ATRNL1: variants seen among roughly 807,000 people sequenced by gnomAD.
ATRNL1 encodes the protein attractin-like protein 1.
ATRNL1 carries 95 observed loss-of-function variants against 182.7 expected under a neutral mutation model. The observed-to-expected ratio is 0.52, with a 90% CI of 0.44 to 0.62. The LOEUF is 0.62. Ranked by LOEUF, ATRNL1 falls within the 20% of genes least tolerant of loss-of-function variation. The pLI, the probability that ATRNL1 is intolerant of heterozygous loss-of-function variation, is 0.00. For missense variants in ATRNL1, 1,471 were observed against 1,679.5 expected, an observed-to-expected ratio of 0.88 and a Z score of 2.17; for synonymous variants, 576 against 568.3, an observed-to-expected ratio of 1.01 and a Z score of -0.19.
intron 26 of ATRNL1, among the ~76,000 whole-genome samples, chr10:115,580,439 T>A (rs782453593): frequency 1.1e-4 from 16 of 152,060 alleles, no homozygotes; most frequent in Non-Finnish European, 2.1e-4. Flanking sequence ...GCCTGTAATG[T>A]TTCTACTGAA....
intron 26 of ATRNL1, among the ~76,000 whole-genome samples, chr10:115,578,179 A>G (rs574306925): frequency 2.0e-5 from 3 of 151,858 alleles, no homozygotes; most frequent in African/African-American, 7.2e-5. Flanking sequence ...AGATGTTTGC[A>G]TGTATGTTTA....
At chr10:115,372,866 G>T (rs1857469363) in intron 19 of ATRNL1, among the ~76,000 whole-genome samples, 1 of 152,024 alleles carries the variant, frequency 6.6e-6, no homozygotes, top group Non-Finnish European at 1.5e-5. Flanking sequence ...CTATTTTGTG[G>T]TTCCATAATT....
chr10:115,825,449 C>T (rs1317425073), intron 27 of ATRNL1, among the ~76,000 whole-genome samples: 1 of 152,070 alleles, frequency 6.6e-6, no homozygotes, highest in South Asian at 2.1e-4. Flanking sequence ...AAGGACCTAG[C>T]GTATATAGAC....
chr10:115,610,807 G>C (rs1438310085), intron 26 of ATRNL1, among the ~76,000 whole-genome samples: 1 of 152,144 alleles, frequency 6.6e-6, no homozygotes, highest in Non-Finnish European at 1.5e-5. Context: ...AACCAAAGTT[G>C]ATTCTGTTTT....
chr10:115,603,667 G>A (rs1357002480), intron 26 of ATRNL1, among the ~76,000 whole-genome samples: 3 of 152,020 alleles, frequency 2.0e-5, no homozygotes, highest in African/African-American at 7.2e-5. Flanking sequence ...ATCATCATAA[G>A]CAGGCATCAA....
chr10:115,538,259 T>C (rs191266105), intron 25 of ATRNL1, among the ~76,000 whole-genome samples: 1 of 152,312 alleles, frequency 6.6e-6, no homozygotes, highest in Non-Finnish European at 1.5e-5. Flanking sequence ...ATATTCATCT[T>C]TATAATAGCT....
intron 5 of ATRNL1, among the ~76,000 whole-genome samples, chr10:115,130,424 C>A (rs1554874864): frequency 6.6e-6 from 1 of 151,896 alleles, no homozygotes; most frequent in East Asian, 1.9e-4. Flanking sequence ...CCTGAGATGA[C>A]CTTTTCAAAA....
At position 115,540,792 on chromosome 10, in the gene ATRNL1, C is replaced by G. The variant is rs564697042; in HGVS notation, c.3717-8666C>G. Among the ~76,000 whole-genome samples the G allele has an allele frequency of 2.3e-3, 349 of 150,212 alleles. 6 individuals carry two copies. The highest frequency in any genetic ancestry group is 8.1e-3 in the African/African-American group (333 of 40,914). The stretch of plus-strand genomic sequence containing the variant: ...AAAAAAGGGGGGAGGGAACAGGGCT[C>G]TAATGGAAGTAGTCATTCTTAAGTT... On this transcript the variant is annotated intron_variant, in intron 25 of 28. Coordinates refer to ENST00000355044, the MANE Select transcript of ATRNL1 (RefSeq NM_207303.4).
intron 17 of ATRNL1, among the ~76,000 whole-genome samples, chr10:115,306,519 A>AT (rs539095816): frequency 2.7e-3 from 408 of 151,370 alleles, no homozygotes; most frequent in African/African-American, 9.3e-3. Flanking sequence ...TTTAAAATTA[A>AT]TTTTTTTTTA....
rs1555021540 is a variant in ATRNL1 at position 115,618,448 on chromosome 10, T to A, written c.3795+68912T>A. Among the ~76,000 whole-genome samples, 3 of 152,120 alleles carry A rather than the reference T, an allele frequency of 2.0e-5. No individual in the cohort carries two copies. The South Asian group carries it at 6.2e-4, about 31-fold the overall frequency. On this transcript the variant is annotated intron_variant, in intron 26 of 28. Transcript: ENST00000355044. ...CATTTCTTCCCTTCCTGGAACTCACTTAATGCAAATATTGGAACTTATTTG... is the reference window on the plus strand; with the variant it reads ...CATTTCTTCCCTTCCTGGAACTCACATAATGCAAATATTGGAACTTATTTG...
intron 18 of ATRNL1, among the ~76,000 whole-genome samples, chr10:115,326,857 GT>G (rs1176668665): frequency 6.6e-6 from 1 of 152,166 alleles, no homozygotes; most frequent in Non-Finnish European, 1.5e-5. Flanking sequence ...TTAATAAATG[GT>G]TCTGGGAAAA....
intron 8 of ATRNL1, among the ~76,000 whole-genome samples, chr10:115,202,169 A>G (rs1276676638): frequency 2.0e-5 from 3 of 152,122 alleles, no homozygotes; most frequent in Admixed American, 6.6e-5. Flanking sequence ...CAATCATGTC[A>G]TCTGCAAACA....
At chr10:115,255,990 C>T (rs990251032) in intron 10 of ATRNL1, among the ~76,000 whole-genome samples, 4 of 152,166 alleles carry the variant, frequency 2.6e-5, no homozygotes, top group African/African-American at 9.7e-5. Context: ...ATAAAGCTGA[C>T]TTGATCGTGG....
chr10:115,783,521 A>G (rs1000429448), intron 27 of ATRNL1, among the ~76,000 whole-genome samples: 1 of 152,236 alleles, frequency 6.6e-6, no homozygotes. Flanking sequence ...GTGACTATTA[A>G]GTATGATAAT....
rs782022587 is a variant in ATRNL1, at chr10:115,171,165, G to A, written c.1221G>A (p.Gln407=). The A allele has an allele frequency of 1.1e-5, 18 of 1,611,644 alleles. No individual in the cohort carries two copies. In the South Asian group the frequency reaches 1.9e-4, roughly 17 times the overall value. ...TKTPTVLGHG[Q]QYAVEGHSAH... is the part of the protein sequence containing the mutation. The stretch of plus-strand genomic sequence containing the variant: ...CTCCTACTGTTCTTGGACATGGTCA[G>A]CAGTATGCTGTGGAGGGACATTCAG... Residue 407 remains glutamine (Q), a synonymous_variant, in exon 8 of 29, where the codon CAG becomes CAA. Transcript: ENST00000355044.
intron 28 of ATRNL1, among the ~76,000 whole-genome samples, chr10:115,920,670 G>C (rs1555118498): frequency 1.3e-5 from 2 of 152,152 alleles, no homozygotes; most frequent in Admixed American, 1.3e-4. Context: ...AAATGACCTT[G>C]CCTGGTTAAC....
chr10:115,434,969 G>A (rs1554964582), intron 21 of ATRNL1, among the ~76,000 whole-genome samples: 2 of 150,842 alleles, frequency 1.3e-5, no homozygotes, highest in Non-Finnish European at 2.9e-5. Flanking sequence ...TTGAATGTTT[G>A]TTGCCTCCAA....
chr10:115,336,983 G>GT (rs1433631084), intron 19 of ATRNL1, among the ~76,000 whole-genome samples: 3 of 146,750 alleles, frequency 2.0e-5, no homozygotes, highest in South Asian at 4.2e-4. Context: ...GTAGCTGGGG[G>GT]GGGGGGACTA....
At chr10:115,690,958 C>T (rs1447929821) in intron 26 of ATRNL1, among the ~76,000 whole-genome samples, 1 of 152,128 alleles carries the variant, frequency 6.6e-6, no homozygotes, top group Non-Finnish European at 1.5e-5. Context: ...AATACCAAGC[C>T]CCTTGGGGCT....
Sources: gnomAD v4.1 joint callset for allele counts (sites outside exome capture counted in the v4.1 genomes callset) on GRCh38, gnomAD v4.1.1 for gene constraint, MANE v1.5 for transcripts, NCBI Gene and HGNC (gene_info 2026-07-23, HGNC 2026-07-21) for gene names.